Variants in GRIP1 observed in about 807,000 individuals in gnomAD.
GRIP1 encodes glutamate receptor interacting protein 1, also known as glutamate receptor-interacting protein 1.
A neutral mutation model predicts 129.9 loss-of-function variants in GRIP1; 45 were observed. The observed-to-expected ratio is 0.35, with a 90% confidence interval of 0.27 to 0.44. GRIP1 has a LOEUF of 0.44. Among genes scored for constraint, GRIP1 ranks in the 20% least tolerant of loss-of-function variants. The pLI, the probability that GRIP1 is intolerant of heterozygous loss-of-function variation, is 1.00. For missense variants in GRIP1, 1,196 were observed against 1,396.8 expected (o/e 0.86, Z 2.29); for synonymous variants, 530 against 520.8 (o/e 1.02, Z -0.24).
At chr12:66,660,680 T>C (rs917273794) in intron 1 of GRIP1, among the ~76,000 whole-genome samples, 2 of 152,156 alleles carry the variant, frequency 1.3e-5, no homozygotes, top group African/African-American at 4.8e-5. Flanking sequence ...ATAACACATT[T>C]CTGCTGCATG....
At chr12:66,696,563 G>T (rs1024244274) in intron 1 of GRIP1, among the ~76,000 whole-genome samples, 37 of 151,930 alleles carry the variant, frequency 2.4e-4, no homozygotes, top group Non-Finnish European at 4.9e-4. Context: ...GAGGCGGGCG[G>T]ATCACAAGGT....
chr12:66,676,801 A>G (rs2034356732), intron 1 of GRIP1, among the ~76,000 whole-genome samples: 1 of 152,058 alleles, frequency 6.6e-6, no homozygotes, highest in African/African-American at 2.4e-5. Flanking sequence ...TTAATATTGT[A>G]ATTACATATG....
chr12:66,827,257 T>C (rs1306362781), intron 1 of GRIP1, among the ~76,000 whole-genome samples: 1 of 151,750 alleles, frequency 6.6e-6, no homozygotes, highest in African/African-American at 2.4e-5. Flanking sequence ...AGGGAAAGAG[T>C]CTACCTCTAA....
chr12:66,549,078 C>G (rs543231249), intron 2 of GRIP1, among the ~76,000 whole-genome samples: 1 of 152,154 alleles, frequency 6.6e-6, no homozygotes. Flanking sequence ...TTGGTGAAAA[C>G]TCTGTAAAGT....
At chr12:66,353,687 T>C in intron 23 of GRIP1, 124 bp from the exon 24 acceptor site, 2 of 859,978 alleles carry the variant, frequency 2.3e-6, no homozygotes, top group Non-Finnish European at 4.0e-6. Flanking sequence ...TCAGCATCAG[T>C]CAGCTCCCTG....
At position 66,812,160 on chromosome 12, in the gene GRIP1, G is replaced by A. The variant is rs376229357; in HGVS notation, c.59-215233C>T. Among the ~76,000 whole-genome samples the A allele has an allele frequency of 8.9e-4, 135 of 152,200 alleles. 2 individuals carry two copies. The highest frequency in any genetic ancestry group is 3.4e-3 in the Middle Eastern group (1 of 294). ...ATTTATTTATTCATTTTGCGATGGA[G>A]TATCACTCTGTCACTCAGGCTGGAA... On this transcript the variant is annotated intron_variant, in intron 1 of 1. Coordinates refer to the GRIP1 transcript ENST00000643019.
At chr12:66,372,888 A>G (rs1320003169) in intron 22 of GRIP1, among the ~76,000 whole-genome samples, 2 of 152,190 alleles carry the variant, frequency 1.3e-5, no homozygotes, top group Admixed American at 1.3e-4. Context: ...ATAAAGGTAA[A>G]CTAGCATTGG....
intron 5 of GRIP1, among the ~76,000 whole-genome samples, chr12:66,528,214 A>G (rs1295588108): frequency 7.1e-6 from 1 of 141,276 alleles, no homozygotes; most frequent in Non-Finnish European, 1.5e-5. Context: ...GGCTCACTGC[A>G]AGCTCCACCT....
intron 23 of GRIP1, among the ~76,000 whole-genome samples, chr12:66,354,941 A>G (rs541014353): frequency 3.9e-5 from 6 of 152,176 alleles, no homozygotes; most frequent in South Asian, 4.2e-4. Flanking sequence ...AGGAAATTCA[A>G]TTTCACTGGG....
chr12:66,742,733 A>T (rs1738410653), intron 1 of GRIP1, among the ~76,000 whole-genome samples: 1 of 152,168 alleles, frequency 6.6e-6, no homozygotes, highest in Non-Finnish European at 1.5e-5. Flanking sequence ...TCCCTAGATG[A>T]TCATATAAAA....
chr12:67,061,830 A>G (rs1459337656), intron 1 of GRIP1, among the ~76,000 whole-genome samples: 3 of 152,132 alleles, frequency 2.0e-5, no homozygotes, highest in Non-Finnish European at 4.4e-5. Flanking sequence ...CTACCACATT[A>G]TGTTTACTTT....
chr12:66,574,933 ATT>A (rs1032449052), intron 2 of GRIP1, among the ~76,000 whole-genome samples: 1 of 147,038 alleles, frequency 6.8e-6, no homozygotes, highest in Non-Finnish European at 1.5e-5. Flanking sequence ...ATGCCCAGCT[ATT>A]TTTTTTTTCT....
upstream of GRIP1, among the ~76,000 whole-genome samples, chr12:66,681,120 C>T (rs1371013048): frequency 2.6e-5 from 4 of 152,212 alleles, no homozygotes; most frequent in Admixed American, 2.0e-4. Context: ...TTTTTTCTCT[C>T]TTTGAATACT....
At chr12:66,353,712 C>A (rs989629221) in intron 23 of GRIP1, 149 bp from the exon 24 acceptor site, 1 of 746,902 alleles carries the variant, frequency 1.3e-6, no homozygotes. Flanking sequence ...AATCCTGCAG[C>A]CTTTTTTTCC....
intron 17 of GRIP1, 31 bp downstream of exon 17, chr12:66,394,177 A>G (rs1356492260): frequency 6.2e-7 from 1 of 1,600,094 alleles, no homozygotes; most frequent in Admixed American, 1.7e-5. Context: ...TCTCAGACAC[A>G]GGTAATTATA....
At chr12:67,051,214 A>G (rs550635789) in intron 1 of GRIP1, among the ~76,000 whole-genome samples, 16 of 152,296 alleles carry the variant, frequency 1.1e-4, no homozygotes, top group African/African-American at 3.9e-4. Context: ...ATCAATCCCA[A>G]CCACCAAGAT....
rs2135750799 is a variant in GRIP1 at position 67,023,483 on chromosome 12, T to C, written c.58+45567A>G. Among the ~76,000 whole-genome samples, 3 of 152,310 alleles carry C rather than the reference T, an allele frequency of 2.0e-5. No homozygotes were observed. The South Asian group carries it at 6.2e-4, about 32-fold the overall frequency. ...TGGATTCTCCATTCTGTTCCTTTGATTTATTTGTCTTCTTGATGCTGATAC... is the reference window on the plus strand; with the variant it reads ...TGGATTCTCCATTCTGTTCCTTTGACTTATTTGTCTTCTTGATGCTGATAC... On this transcript the variant is annotated intron_variant, in intron 1 of 1. Transcript: ENST00000643019.
chr12:66,539,499 T>C (rs1029692648), intron 3 of GRIP1, among the ~76,000 whole-genome samples: 3 of 151,930 alleles, frequency 2.0e-5, no homozygotes, highest in Non-Finnish European at 4.4e-5. Context: ...TTTTCCTTTT[T>C]GCCTGTTTTA....
chr12:66,444,346 C>T lies in GRIP1; in HGVS notation c.1687+238G>A, dbSNP rs576265121. Among the ~76,000 whole-genome samples the T allele has an allele frequency of 7.1e-4, 108 of 151,156 alleles. 2 individuals are homozygous for T. The East Asian group carries it at 0.012, about 16-fold the overall frequency. ...CTAAAAATACAAAAAATTAGCCGGG[C>T]GCGGTGGCGGGCGCCTGTAGTCCCA... On this transcript the variant is annotated intron_variant, in intron 13 of 24. Coordinates refer to ENST00000359742, the MANE Select transcript of GRIP1 (RefSeq NM_001366722.1).
Sources: gnomAD v4.1 joint callset for allele counts (sites outside exome capture counted in the v4.1 genomes callset) on GRCh38, gnomAD v4.1.1 for gene constraint, MANE v1.5 for transcripts, NCBI Gene and HGNC (gene_info 2026-07-23, HGNC 2026-07-21) for gene names.